Variants in NUP35 observed in about 807,000 individuals in gnomAD.
NUP35 encodes nucleoporin 35, also known as nucleoporin NUP35.
NUP35 carries 25 observed loss-of-function variants against 41.5 expected under a neutral mutation model. The observed-to-expected ratio is 0.60, with a 90% CI of 0.44 to 0.84. NUP35 has a LOEUF of 0.84. Ranked by LOEUF, NUP35 falls within the 40% of genes least tolerant of loss-of-function variation. The pLI, the probability that NUP35 is intolerant of heterozygous loss-of-function variation, is 0.00. For synonymous variants in NUP35, 149 were observed against 130.7 expected (o/e 1.14, Z -0.96); for missense variants, 396 against 396.6 (o/e 1.00, Z 0.01).
chr2:183,151,435 A>T, intron 4 of NUP35, 73 bp from the exon 5 acceptor site: 1 of 1,441,384 alleles, frequency 6.9e-7, no homozygotes, highest in Middle Eastern at 1.8e-4. Context: ...TATCATTTAA[A>T]ACTAAGATTT....
intron 4 of NUP35, among the ~76,000 whole-genome samples, chr2:183,150,197 C>G (rs1685416277): frequency 6.6e-6 from 1 of 152,188 alleles, no homozygotes; most frequent in African/African-American, 2.4e-5. Context: ...GAGCCACTGG[C>G]CTGGCCCTTA....
intron 8 of NUP35, chr2:183,159,932 T>G: frequency 9.8e-6 from 3 of 306,284 alleles, no homozygotes; most frequent in South Asian, 4.6e-5. Flanking sequence ...ACATACGAAA[T>G]GTATCCTGTG....
chr2:183,157,994 G>A (rs1685730276), intron 6 of NUP35, among the ~76,000 whole-genome samples: 1 of 151,964 alleles, frequency 6.6e-6, no homozygotes, highest in Admixed American at 6.6e-5. Context: ...AAATCAAATT[G>A]AGTAGTTTTA....
upstream of NUP35, chr2:183,120,159 C>T (rs115414240): frequency 0.052 from 7,893 of 152,244 alleles, 273 homozygotes; most frequent in Middle Eastern, 0.085. Flanking sequence ...AAGAAGAAAG[C>T]TTTGGGCCAG....
chr2:183,118,589 A>T (rs1392641277), intron 1 of NUP35: 1 of 152,196 alleles, frequency 6.6e-6, no homozygotes, highest in Non-Finnish European at 1.5e-5. Context: ...TTTTGTTGTC[A>T]GTGGTGGGAA....
chr2:183,118,367 A>G (rs1575106324), intron 1 of NUP35: 1 of 152,236 alleles, frequency 6.6e-6, no homozygotes, highest in South Asian at 2.1e-4. Flanking sequence ...TTCTCATTCA[A>G]GATAATCCAC....
chr2:183,137,716 C>T lies in NUP35; in HGVS notation c.397+4093C>T, dbSNP rs567649128. Among the ~76,000 whole-genome samples the T allele has an allele frequency of 6.7e-4, 101 of 151,708 alleles. 1 individual carries two copies. The South Asian group carries it at 0.02, about 29-fold the overall frequency. ...GTCAAGGTGGGAAGACCGCTTGAGC[C>T]GGGGAGTTTAAGGCTGTAGGCAGCT... On this transcript the variant is annotated intron_variant, in intron 4 of 8. Transcript: ENST00000295119.
intron 4 of NUP35, among the ~76,000 whole-genome samples, chr2:183,137,279 G>T (rs2675094): frequency 6.6e-6 from 1 of 151,936 alleles, no homozygotes; most frequent in Non-Finnish European, 1.5e-5. Flanking sequence ...TTTGTTACAC[G>T]CAGAAATAGT....
Position 183,124,515 on chromosome 2 carries a change from T to C in NUP35, c.40+18T>C, listed in dbSNP as rs775171820. 18 of 1,613,796 alleles carry C rather than the reference T, an allele frequency of 1.1e-5. No homozygotes were observed. The highest frequency in any genetic ancestry group is 1.7e-5 in the Admixed American group (1 of 60,004). ...CGCGTTAGGTGAGTGAAATATTGCT[T>C]TTCCTTGCTGGCACTGCCATCCATG... On this transcript the variant is annotated intron_variant, in intron 1 of 8. Transcript: ENST00000295119.
At chr2:183,141,725 CCTATTTTAGTATACT>C (rs1456100036) in intron 4 of NUP35, among the ~76,000 whole-genome samples, 1 of 152,068 alleles carries the variant, frequency 6.6e-6, no homozygotes, top group African/African-American at 2.4e-5. Flanking sequence ...ATGGTACATA[CCTATTTTAGTATACT>C]CACTTTTCAA....
At chr2:183,159,758 G>A in intron 8 of NUP35, 106 bp downstream of exon 8, 1 of 875,626 alleles carries the variant, frequency 1.1e-6, no homozygotes, top group East Asian at 2.7e-5. Context: ...GTTTCCTGTG[G>A]AGGCTATTAC....
At chr2:183,139,208 C>CTTTT (rs146370641) in intron 4 of NUP35, among the ~76,000 whole-genome samples, 3 of 76,100 alleles carry the variant, frequency 3.9e-5, no homozygotes, top group South Asian at 4.6e-4. Context: ...GCATTTCTTT[C>CTTTT]TTTCTTTTTT....
At chr2:183,160,868 G>A (rs1685848347) in intron 8 of NUP35, 186 bp from the exon 9 acceptor site, 1 of 423,826 alleles carries the variant, frequency 2.4e-6, no homozygotes, top group South Asian at 2.8e-5. Context: ...GGATCACGAG[G>A]TCAGGAGATC....
rs1684764878 is a variant in NUP35, at chr2:183,133,420, A to G, written c.340-146A>G. On this transcript the variant is annotated intron_variant, in intron 3 of 8. Coordinates refer to ENST00000295119, the MANE Select transcript of NUP35 (RefSeq NM_138285.5). ...GGTTAATACTGTTTAACTTATGGGG[A>G]AAAAAGAGTGCCTTTGTACTTTGAG... 5 of 554,986 alleles carry G rather than the reference A, an allele frequency of 9.0e-6. No individual in the cohort carries two copies. In the South Asian group the frequency reaches 1.3e-4, roughly 14 times the overall value. 34.4% of individuals were successfully genotyped at this position (554,986 alleles called of 1,614,324 possible). A position where few individuals can be genotyped will look rare whatever the true frequency, so the allele number is the denominator to read the frequency against.
upstream of NUP35, chr2:183,119,861 T>C (rs1467304102): frequency 6.6e-6 from 1 of 152,232 alleles, no homozygotes; most frequent in Admixed American, 6.5e-5. Flanking sequence ...ATTTTATTTT[T>C]GAAGCCAAGG....
chr2:183,127,042 A>G (rs2105538492), intron 1 of NUP35, among the ~76,000 whole-genome samples: 1 of 152,142 alleles, frequency 6.6e-6, no homozygotes, highest in South Asian at 2.1e-4. Context: ...AGTGGATGCT[A>G]GCTATGCTTA....
At chr2:183,158,476 A>G in intron 7 of NUP35, 65 bp downstream of exon 7, 1 of 1,408,438 alleles carries the variant, frequency 7.1e-7, no homozygotes, top group East Asian at 2.5e-5. Flanking sequence ...CCAAGGATTG[A>G]AATTGGTCGT....
chr2:183,159,143 G>A (rs1390773336), intron 7 of NUP35, among the ~76,000 whole-genome samples: 1 of 152,154 alleles, frequency 6.6e-6, no homozygotes, highest in African/African-American at 2.4e-5. Flanking sequence ...GGGTAACTAA[G>A]TGCTAAATAG....
intron 4 of NUP35, among the ~76,000 whole-genome samples, chr2:183,143,363 G>A (rs1050259343): frequency 1.3e-5 from 2 of 151,804 alleles, no homozygotes; most frequent in African/African-American, 4.8e-5. Flanking sequence ...GAATAAGTGT[G>A]TGCATAGGAT....
Sources: allele counts gnomAD v4.1 joint callset (sites outside exome capture counted in the v4.1 genomes callset), GRCh38; gene constraint gnomAD v4.1.1; transcripts MANE v1.5; gene names NCBI Gene and HGNC (gene_info 2026-07-23, HGNC 2026-07-21).